NACC2: variants seen among roughly 807,000 people sequenced by gnomAD.
The protein encoded by NACC2 is NACC family member 2, also known as nucleus accumbens-associated protein 2.
In NACC2, 8 loss-of-function variants were observed where a neutral mutation model predicts 25.1. The ratio of observed to expected loss-of-function variants is 0.32; its 90% CI spans 0.19 to 0.57. The LOEUF is 0.57. NACC2 is among the 20% of genes least tolerant of loss of function. NACC2 has a pLI of 0.89. For synonymous variants in NACC2, 435 were observed against 294.7 expected, an observed-to-expected ratio of 1.48 and a Z score of -4.88; for missense variants, 644 against 650.2, an observed-to-expected ratio of 0.99 and a Z score of 0.10.
intron 1 of NACC2, among the ~76,000 whole-genome samples, chr9:136,088,059 G>C (rs1286233482): frequency 6.6e-6 from 1 of 152,230 alleles, no homozygotes; most frequent in Non-Finnish European, 1.5e-5. Flanking sequence ...ACCCCCAGTG[G>C]CTGTCATCTC....
intron 1 of NACC2, among the ~76,000 whole-genome samples, chr9:136,061,429 C>T (rs1841008966): frequency 6.6e-6 from 1 of 152,198 alleles, no homozygotes; most frequent in Non-Finnish European, 1.5e-5. Context: ...GCCCAGCTCC[C>T]AGGCTGCCCC....
At chr9:136,023,056 G>C (rs1367289377) in intron 2 of NACC2, among the ~76,000 whole-genome samples, 3 of 78,824 alleles carry the variant, frequency 3.8e-5, no homozygotes, top group Non-Finnish European at 5.1e-5. Flanking sequence ...GAAGGAGGGA[G>C]GAAGGAGGGA....
intron 1 of NACC2, among the ~76,000 whole-genome samples, chr9:136,090,780 C>T (rs1027723995): frequency 5.3e-5 from 8 of 152,322 alleles, no homozygotes; most frequent in African/African-American, 1.7e-4. Context: ...GGAGGCCACC[C>T]CCAGCCCAGG....
chr9:136,023,622 C>T (rs1041213620), intron 2 of NACC2, among the ~76,000 whole-genome samples: 15 of 152,208 alleles, frequency 9.9e-5, no homozygotes, highest in Admixed American at 2.0e-4. Context: ...GGGATCCCAG[C>T]GATGATTTTT....
intron 2 of NACC2, among the ~76,000 whole-genome samples, chr9:136,046,916 C>A (rs1168426947): frequency 1.3e-5 from 2 of 152,198 alleles, no homozygotes; most frequent in African/African-American, 4.8e-5. Context: ...AGGAGAACAG[C>A]CCTACAGGAC....
intron 2 of NACC2, among the ~76,000 whole-genome samples, chr9:136,040,115 G>A (rs1288483087): frequency 1.3e-5 from 2 of 152,138 alleles, no homozygotes; most frequent in Non-Finnish European, 2.9e-5. Flanking sequence ...GGAGGCTGAG[G>A]CGGGTGGATT....
intron 2 of NACC2, among the ~76,000 whole-genome samples, chr9:136,036,741 A>G (rs928384283): frequency 8.5e-5 from 13 of 152,236 alleles, no homozygotes; most frequent in African/African-American, 3.1e-4. Context: ...CTATAGAAGA[A>G]AAAGTCTAAA....
intron 1 of NACC2, among the ~76,000 whole-genome samples, chr9:136,074,958 T>C (rs1830245497): frequency 6.6e-6 from 1 of 152,230 alleles, no homozygotes; most frequent in Non-Finnish European, 1.5e-5. Flanking sequence ...CCGGGAGCTC[T>C]GTCCCCCACT....
At chr9:136,058,438 G>A (rs1431537848) in intron 1 of NACC2, among the ~76,000 whole-genome samples, 2 of 152,212 alleles carry the variant, frequency 1.3e-5, no homozygotes, top group Non-Finnish European at 2.9e-5. Context: ...AGGGGGCTCC[G>A]GAGGCTCCCC....
rs1272679935 is a variant in NACC2, at chr9:136,055,283, T to G, written c.-59-4703A>C. On this transcript the variant is annotated intron_variant, in intron 1 of 5. Coordinates refer to ENST00000277554, the MANE Select transcript of NACC2 (RefSeq NM_144653.5). The surrounding 1 kb of genome is among the most constrained non-coding windows in gnomAD (Gnocchi z 4.9). ...CTCCAGAACGACCCCCCTGCCTGAG[T>G]GTCGTCCCGGCAGGATTCACACAAG... Among the ~76,000 whole-genome samples, 4 of 152,076 alleles carry G rather than the reference T, an allele frequency of 2.6e-5. No individual in the cohort carries two copies. Among genetic ancestry groups the G allele is most frequent in the Admixed American group, 6.5e-5 (1 of 15,270 alleles).
At chr9:136,050,947 G>A (rs1278037064) in intron 1 of NACC2, among the ~76,000 whole-genome samples, 2 of 152,320 alleles carry the variant, frequency 1.3e-5, no homozygotes, top group East Asian at 1.9e-4. Flanking sequence ...GAGCCTCTGG[G>A]CAAACCTGCA....
chr9:136,044,319 C>G (rs2131157237), intron 2 of NACC2, among the ~76,000 whole-genome samples: 1 of 152,234 alleles, frequency 6.6e-6, no homozygotes, highest in African/African-American at 2.4e-5. Flanking sequence ...AATTCGAGGC[C>G]ACCTGGACAA....
chr9:136,061,725 C>A (rs1051400217), intron 1 of NACC2, among the ~76,000 whole-genome samples: 37 of 152,052 alleles, frequency 2.4e-4, no homozygotes, highest in African/African-American at 8.7e-4. Flanking sequence ...CAGGAACCAG[C>A]GAGAAGCCAG....
In NACC2 at chr9:136,094,337, G is replaced by A. The variant is rs116247903; in HGVS notation, c.-60+852C>T. Among the ~76,000 whole-genome samples, 652 of 152,280 alleles carry A rather than the reference G, an allele frequency of 4.3e-3. 3 individuals carry two copies. The highest frequency in any genetic ancestry group is 0.014 in the African/African-American group (564 of 41,566). On this transcript the variant is annotated intron_variant, in intron 1 of 5. Coordinates refer to ENST00000277554, the MANE Select transcript of NACC2 (RefSeq NM_144653.5). ...GACCCACAGGTTTAAGCGGCTCCAC[G>A]ACGAGAGTCCAAGACCAAACTTCCC... is the stretch of plus-strand genomic sequence containing the variant.
intron 1 of NACC2, among the ~76,000 whole-genome samples, chr9:136,059,351 C>T (rs1021500536): frequency 3.9e-5 from 6 of 152,158 alleles, no homozygotes; most frequent in African/African-American, 1.4e-4. Context: ...CGGAGCAGGG[C>T]CCTATGACAT....
At chr9:136,053,644 GCA>G (rs1161813217) in intron 1 of NACC2, among the ~76,000 whole-genome samples, 5 of 152,202 alleles carry the variant, frequency 3.3e-5, no homozygotes, top group Non-Finnish European at 2.9e-5. Context: ...GTGCAACACA[GCA>G]CAGAGGGCAG....
chr9:136,015,878 C>T (rs1840194653), intron 3 of NACC2, among the ~76,000 whole-genome samples: 1 of 152,220 alleles, frequency 6.6e-6, no homozygotes, highest in African/African-American at 2.4e-5. Flanking sequence ...CGTGTTTGTT[C>T]TGCCAGAAGG....
chr9:136,057,727 G>A (rs945009543), intron 1 of NACC2, among the ~76,000 whole-genome samples: 2 of 152,304 alleles, frequency 1.3e-5, no homozygotes, highest in East Asian at 3.9e-4. Context: ...GGGCTGCCCA[G>A]GCGGAGCGGC....
intron 2 of NACC2, among the ~76,000 whole-genome samples, chr9:136,034,812 G>A (rs1338493819): frequency 6.6e-6 from 1 of 152,090 alleles, no homozygotes; most frequent in Non-Finnish European, 1.5e-5. Context: ...CATAATTGGG[G>A]GCCAGGCACA....
Sources: allele counts gnomAD v4.1 joint callset (sites outside exome capture counted in the v4.1 genomes callset), GRCh38; gene constraint gnomAD v4.1.1; non-coding constraint Gnocchi (gnomAD v3.1); transcripts MANE v1.5; gene names NCBI Gene and HGNC (gene_info 2026-07-23, HGNC 2026-07-21).